SMARCA2: variants seen among roughly 807,000 people sequenced by gnomAD.
SMARCA2 encodes the protein SWI/SNF-related matrix-associated actin-dependent regulator of chromatin subfamily A member 2.
SMARCA2 carries 61 observed loss-of-function variants against 199.8 expected under a neutral mutation model. The ratio of observed to expected loss-of-function variants is 0.31; its 90% CI spans 0.25 to 0.38. The LOEUF (loss-of-function observed/expected upper bound fraction) is 0.38. SMARCA2 is among the 10% of genes least tolerant of loss of function. SMARCA2 has a pLI of 1.00. For missense variants in SMARCA2, 1,344 were observed against 2,012.2 expected, an observed-to-expected ratio of 0.67 and a Z score of 6.35; for synonymous variants, 935 against 732.0, an observed-to-expected ratio of 1.28 and a Z score of -4.48.
intron 1 of SMARCA2, 46 bp from the exon 2 acceptor site, chr9:2,028,941 C>A: frequency 7.0e-7 from 1 of 1,429,804 alleles, no homozygotes; most frequent in Non-Finnish European, 9.5e-7. Context: ...CTGGTCTTAA[C>A]ATCATGTTTA....
chr9:2,123,420 A>T lies in SMARCA2; in HGVS notation c.3763-299A>T, dbSNP rs7853086. On this transcript the variant is annotated intron_variant, in intron 26 of 33. Coordinates refer to ENST00000349721, the MANE Select transcript of SMARCA2 (RefSeq NM_003070.5). This position sits in a 1 kb window ranked among gnomAD's most constrained non-coding sequence, Gnocchi z 4.1. ...CATTCCCAATTTGAATTTTTCCACT[A>T]TTACTTTAAAGAGGGAGCTTTGCAT... 0.24 allele frequency among the ~76,000 whole-genome samples: 36,995 copies of T among 152,068 alleles called. 5,673 individuals are homozygous for T. Among genetic ancestry groups the T allele is most frequent in the East Asian group, 0.47 (2,427 of 5,164 alleles).
In SMARCA2 at chr9:2,058,335, A is replaced by G. The variant is rs1164634112; in HGVS notation, c.1392A>G (p.Glu464=). ...TGCAACATGCAAAAGATTTTAAGGA[A>G]TATCATCGGTCTGTGGCCGGAAAGA... is the stretch of plus-strand genomic sequence containing the variant. ...SILQHAKDFK[E]YHRSVAGKIQ... is the part of the protein sequence containing the mutation. The change falls in exon 8 of 34, where the codon GAA becomes GAG. Residue 464 remains glutamate, a synonymous_variant. Transcript: ENST00000349721. 3 of 1,614,132 alleles carry G rather than the reference A, an allele frequency of 1.9e-6. No homozygotes were observed. In the African/African-American group the frequency reaches 4.0e-5, roughly 22 times the overall value.
intron 27 of SMARCA2, among the ~76,000 whole-genome samples, chr9:2,155,794 A>G (rs1348322195): frequency 1.7e-5 from 2 of 120,284 alleles, no homozygotes; most frequent in Non-Finnish European, 3.2e-5. Flanking sequence ...AGTAAACTGG[A>G]AAACCCACTG....
At position 2,073,633 on chromosome 9, in the gene SMARCA2, T is replaced by C. The variant is rs1485050940; in HGVS notation, c.1935+10T>C. The C allele has an allele frequency of 3.1e-6, 5 of 1,595,554 alleles. No homozygotes were observed. The Admixed American group carries it at 6.7e-5, about 21-fold the overall frequency. On this transcript the variant is annotated intron_variant, in intron 12 of 33. Coordinates refer to ENST00000349721, the MANE Select transcript of SMARCA2 (RefSeq NM_003070.5). ...TGATTATGAGGAAGAGGTATGTATGTATCTCTGTTTGGGGTTTATTGGTTT... is the reference window on the plus strand; with the variant it reads ...TGATTATGAGGAAGAGGTATGTATGCATCTCTGTTTGGGGTTTATTGGTTT...
At chr9:2,098,941 C>T (rs943939130) in intron 21 of SMARCA2, among the ~76,000 whole-genome samples, 5 of 144,662 alleles carry the variant, frequency 3.5e-5, no homozygotes, top group Non-Finnish European at 7.5e-5. Context: ...CAGCGAAACT[C>T]GGTCTCAAAA....
chr9:2,129,014 C>A (rs1454200505), intron 27 of SMARCA2, among the ~76,000 whole-genome samples: 1 of 152,212 alleles, frequency 6.6e-6, no homozygotes, highest in Non-Finnish European at 1.5e-5. Flanking sequence ...TGACTGACTA[C>A]AAATTCAGGG....
intron 4 of SMARCA2, chr9:2,040,603 T>G (rs1301090716): frequency 6.6e-6 from 1 of 152,296 alleles, no homozygotes; most frequent in Non-Finnish European, 1.5e-5. Flanking sequence ...CATGAGAGTA[T>G]AGAGTTGATT....
intron 27 of SMARCA2, among the ~76,000 whole-genome samples, chr9:2,138,120 T>C (rs1439166568): frequency 2.0e-5 from 3 of 152,148 alleles, no homozygotes; most frequent in Non-Finnish European, 4.4e-5. Context: ...TTCTCATTGA[T>C]TTTATAACAG....
intron 27 of SMARCA2, among the ~76,000 whole-genome samples, chr9:2,155,377 G>A (rs923522420): frequency 3.9e-5 from 6 of 152,170 alleles, no homozygotes; most frequent in Admixed American, 1.3e-4. Flanking sequence ...CCGCCTCCCG[G>A]GTTCAAGCGA....
chr9:2,032,900 G>C (rs377532438), intron 2 of SMARCA2, 52 bp from the exon 3 acceptor site: 1 of 1,554,880 alleles, frequency 6.4e-7, no homozygotes, highest in South Asian at 1.2e-5. Flanking sequence ...ACTCCAAATA[G>C]AAATATTTTA....
intron 8 of SMARCA2, among the ~76,000 whole-genome samples, chr9:2,060,281 T>C (rs1820531046): frequency 6.6e-6 from 1 of 152,156 alleles, no homozygotes; most frequent in African/African-American, 2.4e-5. Flanking sequence ...TTTTGAAATA[T>C]TTATGAATGA....
chr9:2,052,987 A>C (rs1179857987), intron 5 of SMARCA2, among the ~76,000 whole-genome samples: 1 of 152,198 alleles, frequency 6.6e-6, no homozygotes, highest in African/African-American at 2.4e-5. Context: ...TTCGACTTTT[A>C]TTTTAGATTG....
At chr9:2,045,821 T>TCACACACACACACACACA (rs1204704821) in intron 4 of SMARCA2, 3 of 95,186 alleles carry the variant, frequency 3.2e-5, no homozygotes, top group African/African-American at 1.7e-4. Context: ...AACGATAACA[T>TCACACACACACACACACA]CACAGACACA....
At chr9:2,172,486 A>G (rs974425745) in intron 29 of SMARCA2, among the ~76,000 whole-genome samples, 29 of 152,082 alleles carry the variant, frequency 1.9e-4, no homozygotes, top group African/African-American at 6.3e-4. Context: ...GGATGTAGCC[A>G]TGGAGGCTTG....
At chr9:2,054,466 G>C (rs1820261091) in intron 5 of SMARCA2, 131 bp from the exon 6 acceptor site, 1 of 1,091,938 alleles carries the variant, frequency 9.2e-7, no homozygotes, top group East Asian at 2.4e-5. Context: ...TTGGGTGTTA[G>C]AGATCAACTA....
chr9:2,022,001 A>AGATCACAG (rs1458814753), intron 1 of SMARCA2: 1 of 151,808 alleles, frequency 6.6e-6, no homozygotes, highest in African/African-American at 2.4e-5. Flanking sequence ...ACCCGGCCTG[A>AGATCACAG]AGGAACGTGG....
chr9:2,046,143 G>C (rs1051904756), intron 4 of SMARCA2: 1 of 151,976 alleles, frequency 6.6e-6, no homozygotes, highest in Admixed American at 6.6e-5. Flanking sequence ...AAATGCTCTG[G>C]ACTTTAACAT....
At chr9:2,176,300 G>A (rs1021207596) in intron 29 of SMARCA2, among the ~76,000 whole-genome samples, 1 of 150,580 alleles carries the variant, frequency 6.6e-6, no homozygotes, top group South Asian at 2.1e-4. Flanking sequence ...AAACGTTTTG[G>A]CTGCTTTGAA....
intron 2 of SMARCA2, among the ~76,000 whole-genome samples, chr9:2,031,320 C>T (rs537172012): frequency 1.3e-5 from 2 of 152,298 alleles, no homozygotes; most frequent in African/African-American, 2.4e-5. Context: ...AACATATTGA[C>T]ATCCAAGTCC....
Sources: allele counts gnomAD v4.1 joint callset (sites outside exome capture counted in the v4.1 genomes callset), GRCh38; gene constraint gnomAD v4.1.1; non-coding constraint Gnocchi (gnomAD v3.1); transcripts MANE v1.5; gene names NCBI Gene and HGNC (gene_info 2026-07-23, HGNC 2026-07-21).